The following RAB33A variants were observed in gnomAD, a reference collection of about 807,000 sequenced individuals.
The protein encoded by RAB33A is ras-related protein Rab-33A.
Under a neutral mutation model 12.0 loss-of-function variants are expected in RAB33A, and 6 were observed. That is an observed-to-expected ratio of 0.50 (90% confidence interval 0.27 to 0.99). The LOEUF is 0.99. RAB33A is among the 50% of genes least tolerant of loss of function. RAB33A has a pLI of 0.11. For missense variants in RAB33A, 109 were observed against 192.0 expected (o/e 0.57, Z 2.55); for synonymous variants, 70 against 82.4 (o/e 0.85, Z 0.81).
At position 130,172,131 on chromosome X, in the gene RAB33A, G is replaced by A; in HGVS notation, c.69G>A (p.Glu23=). The change falls in exon 1 of 2, where the codon GAG becomes GAA. Residue 23 remains glutamate (E), a synonymous_variant. Coordinates refer to ENST00000257017, the MANE Select transcript of RAB33A (RefSeq NM_004794.3). The part of the protein sequence containing the change: ...PASAAGLASL[E]LDSSLDQYVQ... ...CGGCCGCTGGCCTGGCGTCCCTGGA[G>A]CTCGACTCGTCGCTGGACCAGTACG... 8.2e-7 allele frequency: 1 copy of A among 1,212,208 alleles called. No homozygotes were observed. The highest frequency in any genetic ancestry group is 1.1e-6 in the Non-Finnish European group (1 of 895,500).
the RAB33A span, among the ~76,000 whole-genome samples, chrX:130,112,894 TTTTTTTATTTTTG>T: frequency 1.8e-5 from 2 of 109,227 alleles, no homozygotes; most frequent in Non-Finnish European, 3.8e-5. Context: ...AATAAATTAA[TTTTTTTATTTTTG>T]TTTTTTATTT....
the RAB33A span, among the ~76,000 whole-genome samples, chrX:130,141,614 T>C: frequency 1.1e-4 from 12 of 111,377 alleles, no homozygotes; most frequent in African/African-American, 3.6e-4. Flanking sequence ...TTCTTGAGGT[T>C]ACTGGTCTGC....
At chrX:130,115,055 C>T in the RAB33A span, among the ~76,000 whole-genome samples, 3 of 108,887 alleles carry the variant, frequency 2.8e-5, no homozygotes, top group East Asian at 2.9e-4. Context: ...TCTCTCACCT[C>T]GGCCTCCCAA....
chrX:130,144,160 TCTTA>T, the RAB33A span, among the ~76,000 whole-genome samples: 6 of 111,463 alleles, frequency 5.4e-5, no homozygotes, highest in Admixed American at 1.9e-4. Flanking sequence ...AAATTTTACC[TCTTA>T]CTTTCTTCTT....
At chrX:130,156,414 T>C in the RAB33A span, 2 of 1,202,679 alleles carry the variant, frequency 1.7e-6, no homozygotes, top group South Asian at 1.8e-5. Context: ...AGTCTATTAA[T>C]GGGAGCTGTT....
At chrX:130,163,878 G>A in the RAB33A span, among the ~76,000 whole-genome samples, 3 of 110,330 alleles carry the variant, frequency 2.7e-5, no homozygotes, top group Admixed American at 9.7e-5. Context: ...GGTTATCGCC[G>A]GGCGCGGTGG....
At chrX:130,139,599 A>G in the RAB33A span, among the ~76,000 whole-genome samples, 1 of 110,891 alleles carries the variant, frequency 9.0e-6, no homozygotes, top group Non-Finnish European at 1.9e-5. Context: ...TTTTTTCCCT[A>G]GGAGCTTAAA....
the RAB33A span, among the ~76,000 whole-genome samples, chrX:130,148,252 C>T: frequency 1.1e-4 from 12 of 111,314 alleles, no homozygotes; most frequent in African/African-American, 3.9e-4. Flanking sequence ...TCAGTTTCAC[C>T]TTCCGTTAGC....
chrX:130,149,304 G>A, the RAB33A span, among the ~76,000 whole-genome samples: 1 of 111,844 alleles, frequency 8.9e-6, no homozygotes, highest in East Asian at 2.8e-4. Flanking sequence ...TCAGCCAAAT[G>A]CTTTAAATCA....
upstream of RAB33A, among the ~76,000 whole-genome samples, chrX:130,168,179 A>G (rs2031564499): frequency 9.1e-6 from 1 of 110,249 alleles, no homozygotes; most frequent in South Asian, 3.8e-4. Flanking sequence ...CCTATTTCAA[A>G]AAAGAAAAAG....
chrX:130,150,319 T>C, the RAB33A span, among the ~76,000 whole-genome samples: 1 of 107,072 alleles, frequency 9.3e-6, no homozygotes, highest in Admixed American at 1.0e-4. Flanking sequence ...CCAGAGTTTA[T>C]TGGAGACTTT....
the RAB33A span, chrX:130,165,575 G>C: frequency 2.5e-6 from 3 of 1,198,780 alleles, no homozygotes; most frequent in Non-Finnish European, 3.4e-6. Context: ...CTCTGCCTCG[G>C]GCTTCGGACG....
At chrX:130,159,624 T>C in the RAB33A span, among the ~76,000 whole-genome samples, 1 of 110,379 alleles carries the variant, frequency 9.1e-6, no homozygotes, top group East Asian at 2.8e-4. Context: ...TTTGTTTTTC[T>C]TTTTTTTAAT....
chrX:130,155,099 T>C, the RAB33A span: 2 of 1,183,968 alleles, frequency 1.7e-6, no homozygotes, highest in African/African-American at 1.8e-5. Flanking sequence ...AAGTTTTCAT[T>C]AGTGCCATGG....
intron 1 of RAB33A, among the ~76,000 whole-genome samples, chrX:130,182,946 C>G (rs942858273): frequency 2.7e-5 from 3 of 109,494 alleles, no homozygotes; most frequent in Non-Finnish European, 5.7e-5. Context: ...ACTGTGTTGC[C>G]CAGGCTGAAG....
intron 1 of RAB33A, among the ~76,000 whole-genome samples, chrX:130,175,260 G>A (rs192893954): frequency 2.7e-5 from 3 of 110,748 alleles, no homozygotes; most frequent in South Asian, 3.8e-4. Flanking sequence ...ACAGGGCCAC[G>A]ATTTCAACCC....
At chrX:130,137,285 C>G in the RAB33A span, 37 of 1,196,008 alleles carry the variant, frequency 3.1e-5, no homozygotes, top group South Asian at 6.7e-4. Flanking sequence ...TCACTACAGA[C>G]AGGGCAGAGC....
the RAB33A span, among the ~76,000 whole-genome samples, chrX:130,152,506 C>G: frequency 8.9e-6 from 1 of 111,996 alleles, no homozygotes; most frequent in Non-Finnish European, 1.9e-5. Flanking sequence ...CTTTTCTAAA[C>G]AGATGAATAT....
the RAB33A span, among the ~76,000 whole-genome samples, chrX:130,134,865 T>C: frequency 9.0e-6 from 1 of 111,640 alleles, no homozygotes; most frequent in African/African-American, 3.3e-5. Flanking sequence ...GTTTACAAAG[T>C]CTGAAGCAAC....
Sources: gnomAD v4.1 joint callset for allele counts (sites outside exome capture counted in the v4.1 genomes callset) on GRCh38, gnomAD v4.1.1 for gene constraint, MANE v1.5 for transcripts, NCBI Gene and HGNC (gene_info 2026-07-23, HGNC 2026-07-21) for gene names.